DHX40: variants seen among roughly 807,000 people sequenced by gnomAD.
DHX40 encodes probable ATP-dependent RNA helicase DHX40.
In DHX40, 28 loss-of-function variants were observed where a neutral mutation model predicts 89.6. The observed-to-expected ratio is 0.31, with a 90% CI of 0.23 to 0.43. The LOEUF (loss-of-function observed/expected upper bound fraction) is 0.43. Among genes scored for constraint, DHX40 ranks in the 20% least tolerant of loss-of-function variants. The pLI is 1.00. For missense variants in DHX40, 457 were observed against 844.0 expected, an observed-to-expected ratio of 0.54 and a Z score of 5.68; for synonymous variants, 226 against 283.6, an observed-to-expected ratio of 0.80 and a Z score of 2.04.
rs1304168983 is a variant in DHX40 at position 59,565,781 on chromosome 17, G to C, written c.110G>C (p.Arg37Thr). 5 of 1,599,860 alleles carry C rather than the reference G, an allele frequency of 3.1e-6. No individual in the cohort carries two copies. The African/African-American group carries it at 6.7e-5, about 21-fold the overall frequency. The change falls in exon 1 of 18, where the codon AGA (arginine) becomes ACA (threonine). Residue 37 changes from arginine (R) to threonine (T), a missense_variant and splice_region_variant. By Grantham distance (71) the Arg-to-Thr change is moderately conservative (BLOSUM62 -1). Transcript: ENST00000251241. ...CTCTCGGCTGTTTGCATCGCCGATA[G>C]AGGTGCGGTCCGCGGGACGGTACGG... ...ERLSAVCIAD[R>T]EEKGCTSQEG...
chr17:59,598,322 A>G (rs2030245170), intron 12 of DHX40, among the ~76,000 whole-genome samples: 1 of 152,198 alleles, frequency 6.6e-6, no homozygotes. Flanking sequence ...GGAAGGACAC[A>G]CACTAAATAA....
Position 59,570,612 on chromosome 17 carries a change from T to G in DHX40, c.375T>G (p.Thr125=), listed in dbSNP as rs749097844. 6.2e-7 allele frequency: 1 copy of G among 1,609,660 alleles called. No individual in the cohort carries two copies. The highest frequency in any genetic ancestry group is 1.1e-5 in the South Asian group (1 of 90,430). ...AQRVAEEMKC[T]LGSKVGYQVR... ...GAGTAGCTGAAGAAATGAAATGCAC[T>G]TTGGGATCCAAAGTAGGATACCAAG... Residue 125 remains threonine, a synonymous_variant, in exon 3 of 18, where the codon ACT becomes ACG. Coordinates refer to ENST00000251241, the MANE Select transcript of DHX40 (RefSeq NM_024612.5).
At chr17:59,605,024 A>T in intron 15 of DHX40, 91 bp from the exon 16 acceptor site, 1 of 1,051,698 alleles carries the variant, frequency 9.5e-7, no homozygotes, top group South Asian at 1.3e-5. Context: ...GTAGTAGAAC[A>T]TATTGTAATT....
intron 3 of DHX40, among the ~76,000 whole-genome samples, chr17:59,572,598 C>T (rs1189730579): frequency 1.3e-5 from 2 of 152,120 alleles, no homozygotes; most frequent in Non-Finnish European, 2.9e-5. Flanking sequence ...AGGCTGGTCT[C>T]GAACTCCTGG....
At chr17:59,590,444 G>A (rs1013449267) in intron 12 of DHX40, among the ~76,000 whole-genome samples, 3 of 149,210 alleles carry the variant, frequency 2.0e-5, no homozygotes, top group South Asian at 2.1e-4. Flanking sequence ...CAAATAGTTT[G>A]CAGTCTTTTT....
At chr17:59,572,728 T>A (rs928653495) in intron 3 of DHX40, among the ~76,000 whole-genome samples, 7 of 152,188 alleles carry the variant, frequency 4.6e-5, no homozygotes, top group Admixed American at 1.3e-4. Flanking sequence ...GTGGAAAGTA[T>A]GCACCTACCA....
intron 2 of DHX40, among the ~76,000 whole-genome samples, chr17:59,568,171 T>C (rs1349049277): frequency 6.6e-6 from 1 of 152,126 alleles, no homozygotes; most frequent in Non-Finnish European, 1.5e-5. Flanking sequence ...GAGGTTGCAG[T>C]GAGCTGAGAC....
intron 7 of DHX40, among the ~76,000 whole-genome samples, chr17:59,575,973 G>A (rs1452950364): frequency 6.8e-5 from 10 of 147,514 alleles, no homozygotes; most frequent in South Asian, 2.1e-4. Flanking sequence ...CACTGCAACC[G>A]CCACCTCCTG....
At chr17:59,570,191 ATAAT>A in intron 2 of DHX40, among the ~76,000 whole-genome samples, 1 of 119,130 alleles carries the variant, frequency 8.4e-6, no homozygotes, top group South Asian at 2.2e-4. Context: ...TATATAATAT[ATAAT>A]ATATTATAAT....
chr17:59,586,147 A>T lies in DHX40; in HGVS notation c.1344-6A>T. On this transcript the variant is annotated splice_region_variant and splice_polypyrimidine_tract_variant and intron_variant, in intron 10 of 17. Coordinates refer to ENST00000251241, the MANE Select transcript of DHX40 (RefSeq NM_024612.5). ...CTCTCACTTCATATCTCATTTAAAC[A>T]CACAGGTTTCCCTATTTGGATCCAC... 1 of 1,581,226 alleles carries T rather than the reference A, an allele frequency of 6.3e-7. No homozygotes were observed. The highest frequency in any genetic ancestry group is 8.6e-7 in the Non-Finnish European group (1 of 1,160,708).
chr17:59,591,597 AT>A (rs1460621465), intron 12 of DHX40, among the ~76,000 whole-genome samples: 1 of 150,974 alleles, frequency 6.6e-6, no homozygotes, highest in African/African-American at 2.4e-5. Flanking sequence ...TTTGGGTGAC[AT>A]TTATTCTTAT....
chr17:59,602,678 G>A, intron 15 of DHX40, 62 bp downstream of exon 15: 5 of 1,316,536 alleles, frequency 3.8e-6, no homozygotes, highest in Non-Finnish European at 5.4e-6. Flanking sequence ...TATAATATTG[G>A]ACTATTTAAT....
At chr17:59,585,458 C>T (rs771705048) in intron 10 of DHX40, among the ~76,000 whole-genome samples, 1 of 149,670 alleles carries the variant, frequency 6.7e-6, no homozygotes, top group Non-Finnish European at 1.5e-5. Flanking sequence ...TGCGGTGGCT[C>T]ACGCCTGTAA....
chr17:59,573,823 A>G lies in DHX40; in HGVS notation c.630A>G (p.Ser210=). The change falls in exon 5 of 18, where the codon TCA becomes TCG. Residue 210 remains serine (S), a synonymous_variant. Coordinates refer to ENST00000251241, the MANE Select transcript of DHX40 (RefSeq NM_024612.5). Reference sequence around the variant, plus strand: ...AGCATTTAAAAGTGGTGGTAATGTCAGCAACTATGGAATTAGCCAAGCTCT... The same window carrying G: ...AGCATTTAAAAGTGGTGGTAATGTCGGCAACTATGGAATTAGCCAAGCTCT... ...RKEHLKVVVM[S]ATMELAKLSA... 2 of 1,613,698 alleles carry G rather than the reference A, an allele frequency of 1.2e-6. No homozygotes were observed. Among genetic ancestry groups the G allele is most frequent in the South Asian group, 1.1e-5 (1 of 91,070 alleles).
At chr17:59,602,654 A>G in intron 15 of DHX40, 38 bp downstream of exon 15, 1 of 1,511,926 alleles carries the variant, frequency 6.6e-7, no homozygotes, top group Non-Finnish European at 9.2e-7. Context: ...TCAAGATATA[A>G]TACTGTATTT....
chr17:59,567,892 A>G (rs2048729917), intron 2 of DHX40, among the ~76,000 whole-genome samples: 1 of 149,294 alleles, frequency 6.7e-6, no homozygotes, highest in South Asian at 2.1e-4. Flanking sequence ...AGATCGTGCC[A>G]CTGTACTCCA....
intron 12 of DHX40, among the ~76,000 whole-genome samples, chr17:59,595,064 T>C (rs1385904504): frequency 2.7e-5 from 4 of 150,676 alleles, no homozygotes; most frequent in African/African-American, 9.8e-5. Context: ...GCAGGTCTAC[T>C]TATTTGTAGA....
At chr17:59,583,730 AT>A (rs1423534087) in intron 10 of DHX40, among the ~76,000 whole-genome samples, 1 of 95,068 alleles carries the variant, frequency 1.1e-5, no homozygotes, top group Non-Finnish European at 2.3e-5. Context: ...AATACAAAAA[AT>A]TAGCTGGGTG....
intron 1 of DHX40, 86 bp downstream of exon 1, chr17:59,565,869 C>G: frequency 8.3e-7 from 1 of 1,207,248 alleles, no homozygotes; most frequent in Non-Finnish European, 1.1e-6. Context: ...CTTTGGCAGG[C>G]TGAGAAGAGT....
Sources: gnomAD v4.1 joint callset for allele counts (sites outside exome capture counted in the v4.1 genomes callset) on GRCh38, gnomAD v4.1.1 for gene constraint, MANE v1.5 for transcripts, NCBI Gene and HGNC (gene_info 2026-07-23, HGNC 2026-07-21) for gene names.